The following CDH13 variants were observed in gnomAD, a reference collection of about 807,000 sequenced individuals.
CDH13 encodes the protein cadherin-13.
CDH13 carries 24 observed loss-of-function variants against 63.8 expected under a neutral mutation model. The ratio of observed to expected loss-of-function variants is 0.38; its 90% CI spans 0.27 to 0.53. The LOEUF (loss-of-function observed/expected upper bound fraction) is 0.53. Among genes scored for constraint, CDH13 ranks in the 20% least tolerant of loss-of-function variants. The pLI, the probability that CDH13 is intolerant of heterozygous loss-of-function variation, is 0.85. For missense variants in CDH13, 1,049 were observed against 903.1 expected, an observed-to-expected ratio of 1.16 and a Z score of -2.07; for synonymous variants, 503 against 355.3, an observed-to-expected ratio of 1.42 and a Z score of -4.67.
intron 1 of CDH13, among the ~76,000 whole-genome samples, chr16:82,847,888 T>G (rs1286297333): frequency 1.7e-5 from 2 of 117,384 alleles, no homozygotes; most frequent in Non-Finnish European, 3.5e-5. Context: ...TGTTTTCTTG[T>G]GCTTCACTTT....
At chr16:83,711,151 A>C (rs1484203082) in intron 10 of CDH13, among the ~76,000 whole-genome samples, 1 of 152,208 alleles carries the variant, frequency 6.6e-6, no homozygotes, top group East Asian at 1.9e-4. Flanking sequence ...CCCAGTTAGA[A>C]GTATCTGTGA....
chr16:83,007,584 C>G (rs1913664476), intron 2 of CDH13, among the ~76,000 whole-genome samples: 1 of 152,070 alleles, frequency 6.6e-6, no homozygotes, highest in African/African-American at 2.4e-5. Flanking sequence ...AACCCCAGCA[C>G]TTTGGGAGGC....
chr16:83,613,734 G>A (rs1226410196), intron 8 of CDH13, among the ~76,000 whole-genome samples: 3 of 152,252 alleles, frequency 2.0e-5, no homozygotes, highest in Admixed American at 1.3e-4. Context: ...CTTGGAGGCT[G>A]AGGCACGAGA....
chr16:83,746,964 C>G, intron 10 of CDH13, among the ~76,000 whole-genome samples: 1 of 152,224 alleles, frequency 6.6e-6, no homozygotes, highest in East Asian at 1.9e-4. Flanking sequence ...CCCCTTAAAA[C>G]AGTAGTTCAG....
intron 7 of CDH13, among the ~76,000 whole-genome samples, chr16:83,510,546 C>T (rs922445823): frequency 6.6e-6 from 1 of 152,148 alleles, no homozygotes; most frequent in African/African-American, 2.4e-5. Context: ...TGACAGTAAC[C>T]CTGGGAATAA....
chr16:82,757,372 C>A (rs2151078012), intron 1 of CDH13, among the ~76,000 whole-genome samples: 1 of 145,194 alleles, frequency 6.9e-6, no homozygotes, highest in Admixed American at 7.3e-5. Context: ...AGGCCCTTGT[C>A]TTGAGCTTAC....
At chr16:82,780,940 G>T (rs1037161420) in intron 1 of CDH13, among the ~76,000 whole-genome samples, 1 of 152,220 alleles carries the variant, frequency 6.6e-6, no homozygotes, top group African/African-American at 2.4e-5. Flanking sequence ...TGGACTGGAG[G>T]GAGGAAATCA....
At chr16:83,299,153 C>G (rs1044193146) in intron 5 of CDH13, among the ~76,000 whole-genome samples, 3 of 152,070 alleles carry the variant, frequency 2.0e-5, no homozygotes, top group Admixed American at 6.5e-5. Flanking sequence ...TTTATCTAAT[C>G]TGAATGGAGA....
chr16:83,594,570 C>T (rs867126762), intron 7 of CDH13, among the ~76,000 whole-genome samples: 3 of 151,984 alleles, frequency 2.0e-5, no homozygotes, highest in Admixed American at 6.5e-5. Context: ...GTGAAACATT[C>T]GATATGGAAA....
At chr16:83,617,744 A>G (rs1330545813) in intron 8 of CDH13, among the ~76,000 whole-genome samples, 2 of 151,734 alleles carry the variant, frequency 1.3e-5, no homozygotes, top group Non-Finnish European at 2.9e-5. Flanking sequence ...TCTAATATGC[A>G]CATATCCTAA....
intron 8 of CDH13, among the ~76,000 whole-genome samples, chr16:83,623,557 A>G (rs1187150447): frequency 3.3e-5 from 5 of 152,106 alleles, no homozygotes; most frequent in Admixed American, 2.0e-4. Context: ...AAATCTAACA[A>G]ACAGCACTTT....
intron 2 of CDH13, among the ~76,000 whole-genome samples, chr16:83,000,223 ATTTTTTTTTTTTTTTTTTTTTTTT>A (rs746904500): frequency 1.0e-3 from 38 of 37,030 alleles, no homozygotes; most frequent in Non-Finnish European, 1.8e-3. Flanking sequence ...GGTTTAGCTT[ATTTTTTTTTTTTTTTTTTTTTTTT>A]TTTTTTTTTT....
intron 6 of CDH13, among the ~76,000 whole-genome samples, chr16:83,351,877 A>G (rs566298380): frequency 1.6e-4 from 25 of 152,320 alleles, no homozygotes; most frequent in South Asian, 6.2e-4. Context: ...TTCACACACA[A>G]ACATACTGAT....
At chr16:83,618,134 AGCACTTGC>A (rs548604884) in intron 8 of CDH13, among the ~76,000 whole-genome samples, 9,743 of 152,220 alleles carry the variant, frequency 0.064, 822 homozygotes, top group African/African-American at 0.19. Context: ...GTTGTTGCAA[AGCACTTGC>A]GGCCAGGCAT....
At chr16:83,509,101 C>G (rs553662835) in intron 7 of CDH13, among the ~76,000 whole-genome samples, 4 of 152,332 alleles carry the variant, frequency 2.6e-5, no homozygotes, top group South Asian at 4.1e-4. Context: ...CTACTCAACC[C>G]CCTTCTTCCC....
At chr16:83,538,432 G>A (rs2075235987) in intron 7 of CDH13, among the ~76,000 whole-genome samples, 1 of 152,162 alleles carries the variant, frequency 6.6e-6, no homozygotes, top group African/African-American at 2.4e-5. Flanking sequence ...ATCTAGTGGA[G>A]GCGGAAAAAA....
intron 7 of CDH13, among the ~76,000 whole-genome samples, chr16:83,538,326 G>A (rs549648041): frequency 3.0e-4 from 46 of 152,266 alleles, no homozygotes; most frequent in African/African-American, 1.1e-3. Flanking sequence ...AGTCATCACT[G>A]TCCCCTGAAG....
chr16:82,697,498 C>T (rs1396850263), intron 1 of CDH13, among the ~76,000 whole-genome samples: 5 of 134,692 alleles, frequency 3.7e-5, no homozygotes, highest in Admixed American at 8.5e-5. Context: ...GGCGTGATCT[C>T]GACTCACTGC....
intron 7 of CDH13, among the ~76,000 whole-genome samples, chr16:83,592,615 G>A (rs7186194): frequency 6.6e-6 from 1 of 151,944 alleles, no homozygotes; most frequent in South Asian, 2.1e-4. Context: ...TCCCTCAACC[G>A]CAAATCTATC....
Sources: gnomAD v4.1 joint callset for allele counts (sites outside exome capture counted in the v4.1 genomes callset) on GRCh38, gnomAD v4.1.1 for gene constraint, MANE v1.5 for transcripts, NCBI Gene and HGNC (gene_info 2026-07-23, HGNC 2026-07-21) for gene names.